Variants in NFKB1 observed in about 807,000 individuals in gnomAD.
NFKB1 encodes nuclear factor NF-kappa-B p105 subunit.
A neutral mutation model predicts 105.1 loss-of-function variants in NFKB1; 9 were observed. The ratio of observed to expected loss-of-function variants is 0.09; its 90% CI spans 0.05 to 0.15. The LOEUF is 0.15. NFKB1 is among the 10% of genes least tolerant of loss of function. The pLI, the probability that NFKB1 is intolerant of heterozygous loss-of-function variation, is 1.00. For synonymous variants in NFKB1, 440 were observed against 442.2 expected (o/e 1.00, Z 0.06); for missense variants, 830 against 1,203.7 (o/e 0.69, Z 4.59).
At chr4:102,515,502 T>C (rs936342049) in intron 1 of NFKB1, among the ~76,000 whole-genome samples, 1 of 152,200 alleles carries the variant, frequency 6.6e-6, no homozygotes, top group Non-Finnish European at 1.5e-5. Context: ...TTCTTTTTTT[T>C]CTCCTTTCCT....
intron 5 of NFKB1, among the ~76,000 whole-genome samples, chr4:102,547,892 C>T (rs939939839): frequency 6.6e-6 from 1 of 152,078 alleles, no homozygotes; most frequent in African/African-American, 2.4e-5. Flanking sequence ...TTAGATGTAA[C>T]ACATGATTTC....
At chr4:102,515,143 C>T (rs1158359600) in intron 1 of NFKB1, among the ~76,000 whole-genome samples, 1 of 118,384 alleles carries the variant, frequency 8.4e-6, no homozygotes, top group Non-Finnish European at 1.6e-5. Flanking sequence ...CGGAGTCTCG[C>T]TCTGTCGCCC....
chr4:102,509,466 G>A (rs1167941091), intron 1 of NFKB1, among the ~76,000 whole-genome samples: 1 of 152,154 alleles, frequency 6.6e-6, no homozygotes, highest in Non-Finnish European at 1.5e-5. Context: ...TGAAATAGAT[G>A]ACTTTTGGAG....
At chr4:102,573,753 G>A (rs916819983) in intron 6 of NFKB1, among the ~76,000 whole-genome samples, 7 of 151,792 alleles carry the variant, frequency 4.6e-5, no homozygotes, top group Admixed American at 3.3e-4. Context: ...TTTCATTTTG[G>A]AAAGTTTTAT....
At chr4:102,576,450 C>T (rs1334379622) in intron 6 of NFKB1, among the ~76,000 whole-genome samples, 1 of 152,172 alleles carries the variant, frequency 6.6e-6, no homozygotes, top group South Asian at 2.1e-4. Context: ...CACATATGCT[C>T]CCACTCCCGT....
chr4:102,559,397 C>T (rs1341634216), intron 5 of NFKB1, among the ~76,000 whole-genome samples: 1 of 151,814 alleles, frequency 6.6e-6, no homozygotes, highest in African/African-American at 2.4e-5. Flanking sequence ...TAAGACATGG[C>T]ATGGCATGAC....
At chr4:102,583,959 G>T (rs1219498509) in intron 10 of NFKB1, among the ~76,000 whole-genome samples, 1 of 152,066 alleles carries the variant, frequency 6.6e-6, no homozygotes, top group African/African-American at 2.4e-5. Context: ...TATTTTAAAA[G>T]ATGGGTGTAG....
chr4:102,546,138 A>T (rs1485988146), intron 5 of NFKB1, among the ~76,000 whole-genome samples: 1 of 152,188 alleles, frequency 6.6e-6, no homozygotes, highest in East Asian at 1.9e-4. Flanking sequence ...ATTATTGCTA[A>T]TATTTGTAGT....
At chr4:102,575,666 C>T (rs184920979) in intron 6 of NFKB1, among the ~76,000 whole-genome samples, 28 of 152,276 alleles carry the variant, frequency 1.8e-4, no homozygotes, top group African/African-American at 5.3e-4. Flanking sequence ...TCTTCCCCAT[C>T]GCTTCCTTCA....
chr4:102,584,249 A>G (rs1222490221), intron 10 of NFKB1, among the ~76,000 whole-genome samples: 1 of 152,148 alleles, frequency 6.6e-6, no homozygotes, highest in African/African-American at 2.4e-5. Flanking sequence ...AATGTAAGCA[A>G]TGTTTAGTTT....
chr4:102,596,200 A>G lies in NFKB1; in HGVS notation c.1363A>G (p.Thr455Ala). The change falls in exon 14 of 24, where the codon ACT becomes GCT. Residue 455 changes from threonine to alanine, a missense_variant. By Grantham distance (58) the Thr-to-Ala change is moderately conservative. Transcript: ENST00000226574. ...TTGTGACAAAAGTGATGACAAAAAC[A>G]CTGTAAACCTCTTTGGGAAAGTTAT... ...EGCDKSDDKN[T>A]VNLFGKVIET... 1.2e-6 allele frequency: 2 copies of G among 1,612,990 alleles called. No homozygotes were observed. Among genetic ancestry groups the G allele is most frequent in the Non-Finnish European group, 1.7e-6 (2 of 1,179,186 alleles).
Position 102,616,552 on chromosome 4 carries a change from C to T in NFKB1, c.2868C>T (p.Pro956=). The change falls in exon 24 of 24, where the codon CCC becomes CCT. Residue 956 remains proline, a synonymous_variant. Coordinates refer to ENST00000226574, the MANE Select transcript of NFKB1 (RefSeq NM_003998.4). The part of the protein sequence containing the change: ...GASLLTLNKM[P]HDYGQEGPLE... ...CACTGCTAACTCTCAACAAAATGCCCCATGATTATGGGCAGGAAGGACCTC... is the reference window on the plus strand; with the variant it reads ...CACTGCTAACTCTCAACAAAATGCCTCATGATTATGGGCAGGAAGGACCTC... The T allele has an allele frequency of 6.2e-7, 1 of 1,614,072 alleles. No individual in the cohort carries two copies. Among genetic ancestry groups the T allele is most frequent in the Non-Finnish European group, 8.5e-7 (1 of 1,179,996 alleles).
intron 16 of NFKB1, among the ~76,000 whole-genome samples, chr4:102,601,246 G>A (rs1328694123): frequency 6.6e-6 from 1 of 152,178 alleles, no homozygotes; most frequent in Non-Finnish European, 1.5e-5. Flanking sequence ...CCCGCTGGGG[G>A]AAGGCAAACT....
chr4:102,596,282 T>G lies in NFKB1; in HGVS notation c.1445T>G (p.Val482Gly). ...PSEATVGNGE[V>G]TLTYATGTKE... is the part of the protein sequence containing the mutation. ...GAGGCCACCGTTGGGAATGGTGAGG[T>G]CACTCTAACGTATGCAACAGGAACA... The change falls in exon 14 of 24, where the codon GTC becomes GGC. Residue 482 changes from valine to glycine, a missense_variant. By Grantham distance (109) the Val-to-Gly change is moderately radical. Coordinates refer to ENST00000226574, the MANE Select transcript of NFKB1 (RefSeq NM_003998.4). 6.2e-7 allele frequency: 1 copy of G among 1,613,448 alleles called. No individual in the cohort carries two copies. Among genetic ancestry groups the G allele is most frequent in the Non-Finnish European group, 8.5e-7 (1 of 1,179,532 alleles).
At chr4:102,501,925 G>A (rs1006210666) in intron 1 of NFKB1, 137 bp downstream of exon 1, 7 of 152,442 alleles carry the variant, frequency 4.6e-5, no homozygotes, top group Admixed American at 3.3e-4. Context: ...ACCGTGGGAG[G>A]AGGTTGACAG....
At chr4:102,525,994 T>C (rs1037180359) in intron 2 of NFKB1, among the ~76,000 whole-genome samples, 3 of 152,182 alleles carry the variant, frequency 2.0e-5, no homozygotes, top group Non-Finnish European at 4.4e-5. Flanking sequence ...CTGGGAATCC[T>C]TGGCTTGTAG....
chr4:102,580,257 A>C (rs1329155637), intron 8 of NFKB1, among the ~76,000 whole-genome samples: 2 of 152,136 alleles, frequency 1.3e-5, no homozygotes, highest in African/African-American at 4.8e-5. Context: ...TACATCAGAA[A>C]AGCTCTTTCT....
intron 1 of NFKB1, among the ~76,000 whole-genome samples, chr4:102,515,107 A>ATTTTT (rs34257045): frequency 4.9e-4 from 47 of 95,628 alleles, no homozygotes; most frequent in African/African-American, 8.4e-4. Flanking sequence ...TATTATTATT[A>ATTTTT]TTTTTTTTTT....
At chr4:102,516,899 C>G (rs935999829) in intron 1 of NFKB1, among the ~76,000 whole-genome samples, 3 of 152,032 alleles carry the variant, frequency 2.0e-5, no homozygotes. Context: ...TTTCTAACTC[C>G]CATCGTGTGG....
Sources: allele counts gnomAD v4.1 joint callset (sites outside exome capture counted in the v4.1 genomes callset), GRCh38; gene constraint gnomAD v4.1.1; transcripts MANE v1.5; gene names NCBI Gene and HGNC (gene_info 2026-07-23, HGNC 2026-07-21).